The following GPC5 variants were observed in gnomAD, a reference collection of about 807,000 sequenced individuals.
The protein encoded by GPC5 is glypican-5.
In GPC5, 47 loss-of-function variants were observed where a neutral mutation model predicts 53.9. That is an observed-to-expected ratio of 0.87 (90% confidence interval 0.69 to 1.11). The LOEUF is 1.11. GPC5 is among the 50% of genes most tolerant of loss of function. GPC5 has a pLI of 0.00. For missense variants in GPC5, 748 were observed against 713.1 expected (o/e 1.05, Z -0.56); for synonymous variants, 286 against 263.3 (o/e 1.09, Z -0.84).
chr13:91,560,443 G>A (rs2031195263), intron 2 of GPC5, among the ~76,000 whole-genome samples: 1 of 152,148 alleles, frequency 6.6e-6, no homozygotes, highest in Non-Finnish European at 1.5e-5. Context: ...TCAAAGCCAA[G>A]TGACAGTTAT....
chr13:92,574,159 T>C (rs1883120212), intron 7 of GPC5, among the ~76,000 whole-genome samples: 1 of 152,220 alleles, frequency 6.6e-6, no homozygotes, highest in African/African-American at 2.4e-5. Context: ...TTTAAAATAC[T>C]ACAAGTCTGT....
intron 5 of GPC5, among the ~76,000 whole-genome samples, chr13:91,790,252 A>G (rs939873643): frequency 2.0e-5 from 3 of 152,190 alleles, no homozygotes; most frequent in Admixed American, 6.5e-5. Flanking sequence ...AGATTTCTTT[A>G]TATACCTGTT....
At chr13:92,499,779 T>C (rs1337931533) in intron 7 of GPC5, among the ~76,000 whole-genome samples, 1 of 152,198 alleles carries the variant, frequency 6.6e-6, no homozygotes, top group Non-Finnish European at 1.5e-5. Context: ...AAGTGAATCT[T>C]CTTGTTACAT....
intron 6 of GPC5, among the ~76,000 whole-genome samples, chr13:92,076,704 CATT>C (rs1364030657): frequency 6.6e-6 from 1 of 151,850 alleles, no homozygotes; most frequent in Admixed American, 6.6e-5. Flanking sequence ...TCTGGCATGA[CATT>C]ATGTGACAAA....
At chr13:92,692,274 C>T (rs757623460) in intron 7 of GPC5, among the ~76,000 whole-genome samples, 13 of 152,002 alleles carry the variant, frequency 8.6e-5, no homozygotes, top group East Asian at 1.9e-4. Context: ...TCCAGTTCAC[C>T]GATGAGGGAC....
At chr13:92,010,059 A>G (rs2040646742) in intron 6 of GPC5, among the ~76,000 whole-genome samples, 1 of 152,204 alleles carries the variant, frequency 6.6e-6, no homozygotes, top group South Asian at 2.1e-4. Context: ...ATATAAGGAT[A>G]ATATAAGCTT....
At position 91,469,372 on chromosome 13, in the gene GPC5, G is replaced by A. The variant is rs114687410; in HGVS notation, c.325+20450G>A. Among the ~76,000 whole-genome samples, 719 of 152,224 alleles carry A rather than the reference G, an allele frequency of 4.7e-3. 3 individuals carry two copies. Among genetic ancestry groups the A allele is most frequent in the African/African-American group, 0.016 (683 of 41,526 alleles). On this transcript the variant is annotated intron_variant, in intron 2 of 7. Coordinates refer to ENST00000377067, the MANE Select transcript of GPC5 (RefSeq NM_004466.6). ...GATCCACATGCTTTGGCCTTCCAAA[G>A]TGTTGAGATTACAGGCGTGAGTCGC...
intron 7 of GPC5, among the ~76,000 whole-genome samples, chr13:92,677,578 G>T (rs1886989025): frequency 6.6e-6 from 1 of 152,182 alleles, no homozygotes; most frequent in African/African-American, 2.4e-5. Context: ...GGTGAATCTG[G>T]ACTTGGCCTT....
At chr13:91,751,761 T>C (rs2037182416) in intron 4 of GPC5, among the ~76,000 whole-genome samples, 1 of 152,218 alleles carries the variant, frequency 6.6e-6, no homozygotes, top group African/African-American at 2.4e-5. Flanking sequence ...TTTTCAACTG[T>C]CTTCCACATT....
intron 7 of GPC5, among the ~76,000 whole-genome samples, chr13:92,592,688 C>T (rs1883752367): frequency 6.6e-6 from 1 of 151,320 alleles, no homozygotes; most frequent in Non-Finnish European, 1.5e-5. Flanking sequence ...ATAATACCTA[C>T]ATGTTATGAG....
intron 7 of GPC5, among the ~76,000 whole-genome samples, chr13:92,817,377 T>A (rs1877513030): frequency 6.6e-6 from 1 of 151,948 alleles, no homozygotes; most frequent in South Asian, 2.1e-4. Context: ...TCGGTTTGGG[T>A]ACATACTTTT....
intron 7 of GPC5, among the ~76,000 whole-genome samples, chr13:92,193,183 AT>A (rs1191294871): frequency 1.4e-5 from 2 of 147,000 alleles, no homozygotes; most frequent in East Asian, 4.1e-4. Context: ...TCAAAAAAAA[AT>A]AATAAAAAAT....
At chr13:91,944,103 CT>C (rs912358161) in intron 6 of GPC5, among the ~76,000 whole-genome samples, 14 of 146,884 alleles carry the variant, frequency 9.5e-5, no homozygotes, top group African/African-American at 1.2e-4. Flanking sequence ...TTATTTCTTT[CT>C]TTTTTTTTTA....
intron 7 of GPC5, among the ~76,000 whole-genome samples, chr13:92,268,243 T>C (rs953877873): frequency 6.6e-6 from 1 of 151,988 alleles, no homozygotes; most frequent in African/African-American, 2.4e-5. Flanking sequence ...CAAAAAAAGG[T>C]AAAAAGGAAA....
chr13:91,489,003 C>G (rs1417874591), intron 2 of GPC5, among the ~76,000 whole-genome samples: 4 of 152,224 alleles, frequency 2.6e-5, no homozygotes, highest in Non-Finnish European at 5.9e-5. Context: ...GTAGCACTCC[C>G]AGGCTTATTA....
chr13:91,820,076 T>G (rs578136825), intron 5 of GPC5, among the ~76,000 whole-genome samples: 82 of 152,312 alleles, frequency 5.4e-4, no homozygotes, highest in African/African-American at 1.9e-3. Flanking sequence ...ATCTTAATAT[T>G]GGTAAGAATT....
chr13:92,602,385 T>C (rs1884107791), intron 7 of GPC5, among the ~76,000 whole-genome samples: 2 of 151,648 alleles, frequency 1.3e-5, no homozygotes, highest in East Asian at 3.9e-4. Flanking sequence ...TTATTCCAAC[T>C]AGCTGTCTAA....
At chr13:91,633,094 C>G (rs1004226578) in intron 2 of GPC5, among the ~76,000 whole-genome samples, 4 of 152,154 alleles carry the variant, frequency 2.6e-5, no homozygotes, top group Admixed American at 2.6e-4. Flanking sequence ...GACTTGATGA[C>G]TGGATTTGCT....
At chr13:92,784,256 T>C (rs1483986464) in intron 7 of GPC5, among the ~76,000 whole-genome samples, 1 of 152,180 alleles carries the variant, frequency 6.6e-6, no homozygotes, top group Non-Finnish European at 1.5e-5. Context: ...ACCATAATTC[T>C]AGTGAATGAA....
Sources: gnomAD v4.1 joint callset for allele counts (sites outside exome capture counted in the v4.1 genomes callset) on GRCh38, gnomAD v4.1.1 for gene constraint, MANE v1.5 for transcripts, NCBI Gene and HGNC (gene_info 2026-07-23, HGNC 2026-07-21) for gene names.